SLC18B1: variants seen among roughly 807,000 people sequenced by gnomAD.
SLC18B1 encodes the protein MFS-type transporter SLC18B1.
SLC18B1 carries 62 observed loss-of-function variants against 53.9 expected under a neutral mutation model. The observed-to-expected ratio is 1.15, with a 90% CI of 0.94 to 1.42. SLC18B1 has a LOEUF of 1.42. SLC18B1 is among the 40% of genes most tolerant of loss of function. SLC18B1 has a pLI of 0.00. For synonymous variants in SLC18B1, 217 were observed against 200.9 expected (o/e 1.08, Z -0.68); for missense variants, 598 against 547.3 (o/e 1.09, Z -0.93).
Position 132,773,028 on chromosome 6 carries a change from T to A in SLC18B1, c.1050A>T (p.Ile350=). 1 of 1,613,804 alleles carries A rather than the reference T, an allele frequency of 6.2e-7. No individual in the cohort carries two copies. The highest frequency in any genetic ancestry group is 8.5e-7 in the Non-Finnish European group (1 of 1,179,778). Residue 350 remains isoleucine, a synonymous_variant, in exon 10 of 14, where the codon ATA becomes ATT. Coordinates refer to ENST00000275227, the MANE Select transcript of SLC18B1 (RefSeq NM_052831.3). ...TGAGAATTTCCGGGAAAGTTGGAATTATACTCATTCCAGCAGAGAGGCCAC... is the reference window on the plus strand; with the variant it reads ...TGAGAATTTCCGGGAAAGTTGGAATAATACTCATTCCAGCAGAGAGGCCAC... ...VVSGLSAGMS[I]IPTFPEILSC... is the part of the protein sequence containing the mutation.
intron 9 of SLC18B1, among the ~76,000 whole-genome samples, chr6:132,773,619 G>C (rs1018668312): frequency 6.6e-6 from 1 of 152,176 alleles, no homozygotes; most frequent in Non-Finnish European, 1.5e-5. Context: ...GAAAACCGAG[G>C]CTCTTGGAAG....
At position 132,774,158 on chromosome 6, in the gene SLC18B1, CA is replaced by C. The variant is rs1365603148; in HGVS notation, c.989+63del. ...ATACTAAACTATACCAATGTTAAAACAAAATTTTTCGAAATAATTCCTAATG... is the reference window on the plus strand; with the variant it reads ...ATACTAAACTATACCAATGTTAAAACAAATTTTTCGAAATAATTCCTAATG... On this transcript the variant is annotated intron_variant, in intron 9 of 13. Coordinates refer to ENST00000275227, the MANE Select transcript of SLC18B1 (RefSeq NM_052831.3). The C allele has an allele frequency of 2.3e-6, 3 of 1,296,860 alleles. No individual in the cohort carries two copies. In the African/African-American group the frequency reaches 4.5e-5, roughly 19 times the overall value. 80.3% of individuals were successfully genotyped at this position (1,296,860 alleles called of 1,614,324 possible).
At position 132,790,971 on chromosome 6, in the gene SLC18B1, A is replaced by G. The variant is rs896441280; in HGVS notation, c.184-699T>C. On this transcript the variant is annotated intron_variant, in intron 2 of 13. Coordinates refer to ENST00000275227, the MANE Select transcript of SLC18B1 (RefSeq NM_052831.3). ...ATTTGCTACAGATAATATTTATCAT[A>G]AATCTACTTCTTTTGAACTTCAAAT... 5.3e-5 allele frequency among the ~76,000 whole-genome samples: 8 copies of G among 152,366 alleles called. No homozygotes were observed. The East Asian group carries it at 1.5e-3, about 29-fold the overall frequency.
chr6:132,791,049 C>T (rs1781511490), intron 2 of SLC18B1, among the ~76,000 whole-genome samples: 1 of 152,192 alleles, frequency 6.6e-6, no homozygotes, highest in Admixed American at 6.5e-5. Flanking sequence ...GTTTAAAAAA[C>T]TTTGTCAAGT....
chr6:132,780,422 T>A (rs7761365), intron 6 of SLC18B1, among the ~76,000 whole-genome samples: 35,068 of 152,004 alleles, frequency 0.23, 6,438 homozygotes, highest in African/African-American at 0.51. Context: ...TTTCTCCTAC[T>A]ACATCCTGCA....
chr6:132,785,453 G>T lies in SLC18B1; in HGVS notation c.502-1364C>A, dbSNP rs1364074296. On this transcript the variant is annotated intron_variant, in intron 5 of 13. Coordinates refer to ENST00000275227, the MANE Select transcript of SLC18B1 (RefSeq NM_052831.3). Reference sequence around the variant, plus strand: ...CTAGTTTTTAGGGACCTTAAACAGAGATCTGTGGCTTGCAGCCTTATATCC... The same window carrying T: ...CTAGTTTTTAGGGACCTTAAACAGATATCTGTGGCTTGCAGCCTTATATCC... Among the ~76,000 whole-genome samples, 3 of 152,194 alleles carry T rather than the reference G, an allele frequency of 2.0e-5. No homozygotes were observed. The East Asian group carries it at 5.8e-4, about 29-fold the overall frequency.
rs538016181 is a variant in SLC18B1 at position 132,793,750 on chromosome 6, A to C, written c.183+3232T>G. Among the ~76,000 whole-genome samples, 3 of 152,318 alleles carry C rather than the reference A, an allele frequency of 2.0e-5. No individual in the cohort carries two copies. In the East Asian group the frequency reaches 5.8e-4, roughly 29 times the overall value. On this transcript the variant is annotated intron_variant, in intron 2 of 13. Coordinates refer to ENST00000275227, the MANE Select transcript of SLC18B1 (RefSeq NM_052831.3). ...TATAACCAGATGTACTCTTACACCCAAACTTTGATGTGACCGTGCATGTAC... is the reference window on the plus strand; with the variant it reads ...TATAACCAGATGTACTCTTACACCCCAACTTTGATGTGACCGTGCATGTAC...
chr6:132,776,069 T>C (rs1199279567), intron 8 of SLC18B1, among the ~76,000 whole-genome samples: 1 of 152,166 alleles, frequency 6.6e-6, no homozygotes, highest in East Asian at 1.9e-4. Flanking sequence ...GGGAAGAAAT[T>C]AGAAAAGGAA....
In SLC18B1 at chr6:132,779,395, G is replaced by C. The variant is rs147479288; in HGVS notation, c.668C>G (p.Pro223Arg). 2 of 1,599,752 alleles carry C rather than the reference G, an allele frequency of 1.3e-6. No homozygotes were observed. Among genetic ancestry groups the C allele is most frequent in the Non-Finnish European group, 1.7e-6 (2 of 1,169,874 alleles). Residue 223 changes from proline to arginine, a missense_variant, in exon 7 of 14, where the codon CCA (proline) becomes CGA (arginine). By Grantham distance (103) the Pro-to-Arg change is moderately radical (BLOSUM62 -2). Coordinates refer to ENST00000275227, the MANE Select transcript of SLC18B1 (RefSeq NM_052831.3). The stretch of plus-strand genomic sequence containing the variant: ...CAGTTTCCAGAATGAGTGTTCACCT[G>C]GATCAGACTCTTTAGGGAAAAAATG... The part of the protein sequence containing the change: ...MYILPNYESD[P>R]GEHSFWKLIA...
chr6:132,771,821 G>A (rs1780981967), intron 11 of SLC18B1, among the ~76,000 whole-genome samples: 1 of 152,236 alleles, frequency 6.6e-6, no homozygotes, highest in Admixed American at 6.5e-5. Flanking sequence ...GCTGGGCACA[G>A]TGGCTCATGC....
chr6:132,785,228 G>C (rs1781340226), intron 5 of SLC18B1, among the ~76,000 whole-genome samples: 1 of 152,060 alleles, frequency 6.6e-6, no homozygotes, highest in Non-Finnish European at 1.5e-5. Context: ...AGGGGATGGA[G>C]GGCTGGGCAC....
rs925068741 is a variant in SLC18B1 at position 132,793,139 on chromosome 6, A to G, written c.184-2867T>C. ...CTCTGTCTCAATAAATAAATAAATA[A>G]ATAAGCAATTTCTGGTCCTCTGACA... On this transcript the variant is annotated intron_variant, in intron 2 of 13. Transcript: ENST00000275227. Among the ~76,000 whole-genome samples the G allele has an allele frequency of 3.3e-5, 5 of 152,138 alleles. No individual in the cohort carries two copies. In the East Asian group the frequency reaches 9.6e-4, roughly 29 times the overall value.
At chr6:132,789,706 C>G in intron 4 of SLC18B1, 58 bp downstream of exon 4, 2 of 1,166,584 alleles carry the variant, frequency 1.7e-6, no homozygotes, top group Non-Finnish European at 2.6e-6. Context: ...ACAATTTAAA[C>G]AGAAGATACA....
chr6:132,787,622 TTC>T, intron 4 of SLC18B1, 41 bp from the exon 5 acceptor site: 2 of 1,475,300 alleles, frequency 1.4e-6, no homozygotes, highest in South Asian at 1.4e-5. Context: ...CAAGCTGGTT[TTC>T]TTTTTTTTTT....
intron 2 of SLC18B1, among the ~76,000 whole-genome samples, chr6:132,791,202 T>TTA (rs1200900617): frequency 6.6e-6 from 1 of 152,336 alleles, no homozygotes; most frequent in East Asian, 1.9e-4. Context: ...ATTGACCGTC[T>TTA]TATATATATG....
chr6:132,797,628 AC>A (rs201542798), intron 1 of SLC18B1, among the ~76,000 whole-genome samples: 2 of 151,534 alleles, frequency 1.3e-5, no homozygotes, highest in South Asian at 2.1e-4. Context: ...ACAAACAAAA[AC>A]AAAAACAAAA....
intron 11 of SLC18B1, 34 bp downstream of exon 11, chr6:132,772,092 CAAAAAA>C: frequency 1.8e-6 from 2 of 1,124,732 alleles, no homozygotes; most frequent in Admixed American, 3.2e-5. Context: ...AACTCCATCT[CAAAAAA>C]AAAAAAAAAG....
rs73772948 is a variant in SLC18B1 at position 132,772,873 on chromosome 6, T to G, written c.1085+120A>C. ...CATAATATCATATGCTACAAAATCA[T>G]GAAGATTTAACATTGGGGCAAAAAT... On this transcript the variant is annotated intron_variant, in intron 10 of 13. Transcript: ENST00000275227. 4,707 of 649,774 alleles carry G rather than the reference T, an allele frequency of 7.2e-3. 171 individuals carry two copies. The African/African-American group carries it at 0.075, about 10-fold the overall frequency. 40.3% of individuals were successfully genotyped at this position (649,774 alleles called of 1,614,324 possible).
intron 1 of SLC18B1, among the ~76,000 whole-genome samples, chr6:132,798,047 TA>T (rs1206898878): frequency 6.6e-6 from 1 of 152,112 alleles, no homozygotes; most frequent in Admixed American, 6.5e-5. Flanking sequence ...CGAATCTTTG[TA>T]AAATGTTTGT....
Sources: gnomAD v4.1 joint callset for allele counts (sites outside exome capture counted in the v4.1 genomes callset) on GRCh38, gnomAD v4.1.1 for gene constraint, MANE v1.5 for transcripts, NCBI Gene and HGNC (gene_info 2026-07-23, HGNC 2026-07-21) for gene names.